The following SLX4IP variants were observed in gnomAD, a reference collection of about 807,000 sequenced individuals.
SLX4IP encodes the protein protein SLX4IP.
In SLX4IP, 34 loss-of-function variants were observed where a neutral mutation model predicts 32.9. The ratio of observed to expected loss-of-function variants is 1.03; its 90% CI spans 0.79 to 1.38. The LOEUF is 1.38. SLX4IP is among the 40% of genes most tolerant of loss of function. The pLI, the probability that SLX4IP is intolerant of heterozygous loss-of-function variation, is 0.00. For missense variants in SLX4IP, 444 were observed against 479.0 expected (o/e 0.93, Z 0.68); for synonymous variants, 172 against 171.7 (o/e 1.00, Z -0.01).
chr20:10,516,887 C>T (rs951046276), intron 2 of SLX4IP, among the ~76,000 whole-genome samples: 1 of 152,148 alleles, frequency 6.6e-6, no homozygotes, highest in Admixed American at 6.5e-5. Flanking sequence ...CCAGTGGATT[C>T]CTAAGTCCAA....
intron 2 of SLX4IP, among the ~76,000 whole-genome samples, chr20:10,468,316 T>A (rs2065397619): frequency 1.3e-5 from 2 of 152,184 alleles, no homozygotes; most frequent in Non-Finnish European, 2.9e-5. Context: ...CCTCTGTGCC[T>A]CTCTTCTCTT....
At chr20:10,583,755 G>A (rs1325476787) in intron 4 of SLX4IP, among the ~76,000 whole-genome samples, 3 of 152,114 alleles carry the variant, frequency 2.0e-5, no homozygotes, top group African/African-American at 7.2e-5. Flanking sequence ...TGAAAATGGA[G>A]CTTTTTATGA....
intron 2 of SLX4IP, among the ~76,000 whole-genome samples, chr20:10,491,518 G>A (rs916272056): frequency 1.3e-5 from 2 of 152,150 alleles, no homozygotes; most frequent in African/African-American, 4.8e-5. Flanking sequence ...ACTAGAGAAT[G>A]TTCAAGTTCC....
intron 1 of SLX4IP, among the ~76,000 whole-genome samples, chr20:10,448,734 A>C (rs1000858721): frequency 3.9e-5 from 6 of 152,230 alleles, no homozygotes; most frequent in Admixed American, 2.6e-4. Flanking sequence ...AGGAGCTAGC[A>C]GCTCACAGGG....
intron 2 of SLX4IP, among the ~76,000 whole-genome samples, chr20:10,522,117 G>T (rs1236188551): frequency 6.6e-6 from 1 of 152,174 alleles, no homozygotes; most frequent in Non-Finnish European, 1.5e-5. Flanking sequence ...AGATTTGCAT[G>T]TGTTGTGACA....
chr20:10,498,186 A>G (rs1000991190), intron 2 of SLX4IP, among the ~76,000 whole-genome samples: 1 of 149,474 alleles, frequency 6.7e-6, no homozygotes, highest in African/African-American at 2.5e-5. Flanking sequence ...TCTGTCTTGC[A>G]GTGAATTAGA....
At chr20:10,616,585 C>T (rs1014651335) in intron 6 of SLX4IP, among the ~76,000 whole-genome samples, 5 of 151,944 alleles carry the variant, frequency 3.3e-5, no homozygotes, top group African/African-American at 9.7e-5. Context: ...GACCTCTTCC[C>T]CTGGTTTACG....
At chr20:10,508,408 G>T (rs2065777461) in intron 2 of SLX4IP, among the ~76,000 whole-genome samples, 1 of 152,192 alleles carries the variant, frequency 6.6e-6, no homozygotes, top group Non-Finnish European at 1.5e-5. Flanking sequence ...GCTCAACAGG[G>T]GTGACCCTTC....
At chr20:10,461,208 A>G (rs926892098) in intron 2 of SLX4IP, among the ~76,000 whole-genome samples, 4 of 152,244 alleles carry the variant, frequency 2.6e-5, no homozygotes, top group Non-Finnish European at 5.9e-5. Context: ...GAAACTGGCT[A>G]TGGCCAAGTA....
At chr20:10,468,037 C>T (rs368242251) in intron 2 of SLX4IP, among the ~76,000 whole-genome samples, 18 of 152,188 alleles carry the variant, frequency 1.2e-4, no homozygotes, top group East Asian at 1.2e-3. Context: ...AACTTTCCAC[C>T]TGCCTCCAAG....
chr20:10,567,354 A>G (rs988241863), intron 4 of SLX4IP, among the ~76,000 whole-genome samples: 1 of 152,228 alleles, frequency 6.6e-6, no homozygotes, highest in African/African-American at 2.4e-5. Flanking sequence ...CAGAGCCTTC[A>G]TAAATAGTTT....
intron 6 of SLX4IP, among the ~76,000 whole-genome samples, chr20:10,606,030 C>T (rs1230839039): frequency 6.6e-6 from 1 of 152,142 alleles, no homozygotes; most frequent in African/African-American, 2.4e-5. Flanking sequence ...GGCCATAGCC[C>T]TCCTCTCATT....
intron 2 of SLX4IP, among the ~76,000 whole-genome samples, chr20:10,458,749 A>T (rs1159940266): frequency 1.3e-5 from 2 of 151,764 alleles, no homozygotes; most frequent in African/African-American, 4.8e-5. Context: ...CATTTTCTTT[A>T]TCCGTTTTTT....
chr20:10,617,652 CTTTT>C (rs549525000), intron 6 of SLX4IP, among the ~76,000 whole-genome samples: 2 of 112,748 alleles, frequency 1.8e-5, no homozygotes, highest in Non-Finnish European at 3.5e-5. Flanking sequence ...TTCTTTCTTT[CTTTT>C]TTTTTTTTTT....
intron 2 of SLX4IP, among the ~76,000 whole-genome samples, chr20:10,530,979 T>C (rs1452781754): frequency 6.6e-6 from 1 of 152,250 alleles, no homozygotes; most frequent in Non-Finnish European, 1.5e-5. Context: ...TCCTCAGCTT[T>C]ACAAACATAT....
chr20:10,517,103 G>A (rs115886064), intron 2 of SLX4IP, among the ~76,000 whole-genome samples: 2,037 of 152,288 alleles, frequency 0.013, 52 homozygotes, highest in African/African-American at 0.046. Context: ...ATATAAGAAA[G>A]CATTCCTAAG....
At chr20:10,539,547 TCAAGCAGA>T (rs1221834116) in intron 2 of SLX4IP, among the ~76,000 whole-genome samples, 1 of 151,946 alleles carries the variant, frequency 6.6e-6, no homozygotes, top group Non-Finnish European at 1.5e-5. Context: ...GCAGGTGGAA[TCAAGCAGA>T]CACCAGGATC....
chr20:10,495,970 C>T (rs376725250), intron 2 of SLX4IP, among the ~76,000 whole-genome samples: 1 of 149,426 alleles, frequency 6.7e-6, no homozygotes, highest in Non-Finnish European at 1.5e-5. Context: ...CTTTTTCAGC[C>T]CTTTTTGTGC....
In SLX4IP at chr20:10,461,550, C is replaced by T. The variant is rs545225561; in HGVS notation, c.27+3319C>T. On this transcript the variant is annotated intron_variant, in intron 2 of 7. Coordinates refer to ENST00000334534, the MANE Select transcript of SLX4IP (RefSeq NM_001009608.3). ...AATCATGTACCTTACTTAGAAGCTC[C>T]GTGACTCAAGCATGGGGATCCCTTT... Among the ~76,000 whole-genome samples, 7 of 152,284 alleles carry T rather than the reference C, an allele frequency of 4.6e-5. No homozygotes were observed. The South Asian group carries it at 8.3e-4, about 18-fold the overall frequency.
Sources: allele counts gnomAD v4.1 joint callset (sites outside exome capture counted in the v4.1 genomes callset), GRCh38; gene constraint gnomAD v4.1.1; transcripts MANE v1.5; gene names NCBI Gene and HGNC (gene_info 2026-07-23, HGNC 2026-07-21).